Variants in TMEM38B observed in about 807,000 individuals in gnomAD.
TMEM38B encodes trimeric intracellular cation channel type B.
TMEM38B carries 24 observed loss-of-function variants against 28.7 expected under a neutral mutation model. The observed-to-expected ratio is 0.84, with a 90% CI of 0.61 to 1.18. The LOEUF (loss-of-function observed/expected upper bound fraction) is 1.18, where lower values mean the gene tolerates loss of function less well. Among genes scored for constraint, TMEM38B ranks in the 50% most tolerant of loss-of-function variants. The pLI is 0.00. For missense variants in TMEM38B, 380 were observed against 350.9 expected (o/e 1.08, Z -0.66); for synonymous variants, 131 against 127.7 (o/e 1.03, Z -0.17).
At chr9:105,709,678 A>C (rs1448996797) in intron 2 of TMEM38B, among the ~76,000 whole-genome samples, 4 of 152,216 alleles carry the variant, frequency 2.6e-5, no homozygotes, top group Non-Finnish European at 4.4e-5. Context: ...CTGGATGTCG[A>C]ATATAATTGG....
chr9:105,704,336 G>T (rs1835571106), intron 1 of TMEM38B, among the ~76,000 whole-genome samples: 1 of 152,136 alleles, frequency 6.6e-6, no homozygotes, highest in Admixed American at 6.5e-5. Flanking sequence ...TGCTGAGGTT[G>T]CTGTGAGCCG....
At chr9:105,729,276 TC>T (rs1385326597) in intron 4 of TMEM38B, among the ~76,000 whole-genome samples, 1 of 152,216 alleles carries the variant, frequency 6.6e-6, no homozygotes, top group Non-Finnish European at 1.5e-5. Context: ...AAGGAAGGGA[TC>T]CGGTTTCAGC....
At chr9:105,723,606 T>G (rs1836404618) in intron 4 of TMEM38B, among the ~76,000 whole-genome samples, 1 of 152,004 alleles carries the variant, frequency 6.6e-6, no homozygotes, top group Non-Finnish European at 1.5e-5. Flanking sequence ...TATGTTGCCT[T>G]GGCTGGTCTT....
intron 5 of TMEM38B, among the ~76,000 whole-genome samples, chr9:105,767,932 CTTA>C (rs1006514178): frequency 4.0e-5 from 6 of 151,734 alleles, no homozygotes; most frequent in African/African-American, 7.3e-5. Flanking sequence ...TTTTCCTTGC[CTTA>C]TTATATTGGC....
chr9:105,759,869 G>C (rs1837971172), intron 5 of TMEM38B: 1 of 1,590,476 alleles, frequency 6.3e-7, no homozygotes, highest in Admixed American at 1.8e-5. Context: ...TTAAGAAGTA[G>C]TACAAGAAGG....
At chr9:105,703,516 A>G (rs1835528128) in intron 1 of TMEM38B, among the ~76,000 whole-genome samples, 1 of 152,194 alleles carries the variant, frequency 6.6e-6, no homozygotes, top group South Asian at 2.1e-4. Context: ...ATACGTGTGC[A>G]TGTGTCTTTA....
intron 4 of TMEM38B, among the ~76,000 whole-genome samples, chr9:105,731,908 T>A (rs1467200177): frequency 3.3e-5 from 5 of 152,154 alleles, no homozygotes; most frequent in African/African-American, 4.8e-5. Flanking sequence ...GTTGAACTAG[T>A]TTACAGTCCC....
chr9:105,734,629 ATATATT>A (rs1233376963), intron 4 of TMEM38B, among the ~76,000 whole-genome samples: 5 of 152,096 alleles, frequency 3.3e-5, no homozygotes, highest in African/African-American at 9.7e-5. Context: ...TTGGGAACAT[ATATATT>A]TATAATTATT....
In TMEM38B at chr9:105,694,596, C is replaced by G. The variant is rs1283668081; in HGVS notation, c.-65C>G. Reference sequence around the variant, plus strand: ...GCCGCGGCTGTGCCCTCTCCTACTCCTCACCGCGCGAGCGCGGGGAACCAG... The same window carrying G: ...GCCGCGGCTGTGCCCTCTCCTACTCGTCACCGCGCGAGCGCGGGGAACCAG... On this transcript the variant is annotated 5_prime_UTR_variant, in exon 1 of 6. Coordinates refer to ENST00000374692, the MANE Select transcript of TMEM38B (RefSeq NM_018112.3). 4.3e-6 allele frequency: 6 copies of G among 1,408,050 alleles called. No homozygotes were observed. Among genetic ancestry groups the G allele is most frequent in the South Asian group, 3.5e-5 (3 of 86,118 alleles). 87.2% of individuals were successfully genotyped at this position (1,408,050 alleles called of 1,614,324 possible).
chr9:105,766,382 G>A (rs146436184), intron 5 of TMEM38B, among the ~76,000 whole-genome samples: 78 of 152,198 alleles, frequency 5.1e-4, no homozygotes, highest in African/African-American at 1.7e-3. Flanking sequence ...GCGTCTTTTC[G>A]TGTGTTTACT....
chr9:105,697,072 A>T, intron 1 of TMEM38B, among the ~76,000 whole-genome samples: 1 of 152,348 alleles, frequency 6.6e-6, no homozygotes, highest in East Asian at 1.9e-4. Context: ...TAAAAGATGT[A>T]ATTCACATAG....
chr9:105,724,577 C>T lies in TMEM38B; in HGVS notation c.542+1956C>T, dbSNP rs540085033. Among the ~76,000 whole-genome samples the T allele has an allele frequency of 1.4e-3, 204 of 150,752 alleles. 1 individual carries two copies. Among genetic ancestry groups the T allele is most frequent in the African/African-American group, 4.6e-3 (189 of 40,906 alleles). ...GGCAGAAGTTGCAATGAGCTGAGATCGCACCACTGCACTCCAGCCTGGGTG... is the reference window on the plus strand; with the variant it reads ...GGCAGAAGTTGCAATGAGCTGAGATTGCACCACTGCACTCCAGCCTGGGTG... On this transcript the variant is annotated intron_variant, in intron 4 of 5. Coordinates refer to ENST00000374692, the MANE Select transcript of TMEM38B (RefSeq NM_018112.3).
intron 2 of TMEM38B, among the ~76,000 whole-genome samples, chr9:105,717,212 G>A (rs1027642793): frequency 3.3e-5 from 5 of 151,752 alleles, no homozygotes; most frequent in African/African-American, 7.3e-5. Flanking sequence ...CTTTTCTTCC[G>A]CCTTCAGAAG....
chr9:105,744,488 TA>T (rs1178910328), intron 4 of TMEM38B, among the ~76,000 whole-genome samples: 2 of 152,108 alleles, frequency 1.3e-5, no homozygotes, highest in Non-Finnish European at 1.5e-5. Flanking sequence ...GGGATGAATA[TA>T]TACTCAAGCT....
At chr9:105,770,547 T>C (rs1203041774) in intron 5 of TMEM38B, among the ~76,000 whole-genome samples, 1 of 152,206 alleles carries the variant, frequency 6.6e-6, no homozygotes, top group Non-Finnish European at 1.5e-5. Context: ...GGTTTTTTTT[T>C]ACATTTGTAA....
chr9:105,722,039 A>G (rs768497491), intron 3 of TMEM38B, among the ~76,000 whole-genome samples: 1 of 152,192 alleles, frequency 6.6e-6, no homozygotes, highest in Non-Finnish European at 1.5e-5. Context: ...ATAAGAAATT[A>G]TGTGGTACAT....
intron 4 of TMEM38B, among the ~76,000 whole-genome samples, chr9:105,736,064 T>G (rs1244207880): frequency 1.3e-5 from 2 of 151,696 alleles, no homozygotes; most frequent in South Asian, 2.1e-4. Context: ...TGTTTTTTTT[T>G]TTTTTGGTAG....
intron 5 of TMEM38B, among the ~76,000 whole-genome samples, chr9:105,764,442 ACAAACAGAGAGC>A (rs1826282706): frequency 6.6e-6 from 1 of 152,182 alleles, no homozygotes; most frequent in Non-Finnish European, 1.5e-5. Flanking sequence ...CCAACAACAC[ACAAACAGAGAGC>A]CAAATCATGA....
chr9:105,699,057 A>G (rs1396753), intron 1 of TMEM38B, among the ~76,000 whole-genome samples: 31,832 of 151,954 alleles, frequency 0.21, 4,329 homozygotes, highest in Non-Finnish European at 0.31. Context: ...CTGGATCTTA[A>G]TCACTTTATG....
Sources: allele counts gnomAD v4.1 joint callset (sites outside exome capture counted in the v4.1 genomes callset), GRCh38; gene constraint gnomAD v4.1.1; transcripts MANE v1.5; gene names NCBI Gene and HGNC (gene_info 2026-07-23, HGNC 2026-07-21).